The following PTPRN2 variants were observed in gnomAD, a reference collection of about 807,000 sequenced individuals.
The protein encoded by PTPRN2 is protein tyrosine phosphatase receptor type N2.
PTPRN2 carries 74 observed loss-of-function variants against 118.8 expected under a neutral mutation model. The observed-to-expected ratio is 0.62, with a 90% confidence interval of 0.52 to 0.76. The LOEUF is 0.76. PTPRN2 is among the 30% of genes least tolerant of loss of function. PTPRN2 has a pLI of 0.00. For synonymous variants in PTPRN2, 641 were observed against 608.0 expected (o/e 1.05, Z -0.80); for missense variants, 1,481 against 1,394.4 (o/e 1.06, Z -0.99).
chr7:158,075,951 A>T (rs966231405), intron 11 of PTPRN2, among the ~76,000 whole-genome samples: 11 of 152,194 alleles, frequency 7.2e-5, no homozygotes, highest in Non-Finnish European at 1.5e-4. Context: ...CCACACCTCC[A>T]GTCTCACTGC....
At position 157,846,672 on chromosome 7, in the gene PTPRN2, G is replaced by A. The variant is rs575806594; in HGVS notation, c.1788+52001C>T. On this transcript the variant is annotated intron_variant, in intron 12 of 22. Coordinates refer to ENST00000389418, the MANE Select transcript of PTPRN2 (RefSeq NM_002847.5). The stretch of plus-strand genomic sequence containing the variant: ...AGAGACCTCTCTCGCTCCATCATGC[G>A]TGCCCGATGTCTACAGAGCCCTCTC... Among the ~76,000 whole-genome samples, 8 of 152,104 alleles carry A rather than the reference G, an allele frequency of 5.3e-5. No homozygotes were observed. The South Asian group carries it at 8.3e-4, about 16-fold the overall frequency.
At chr7:158,359,998 G>A (rs891495574) in intron 2 of PTPRN2, among the ~76,000 whole-genome samples, 9 of 151,940 alleles carry the variant, frequency 5.9e-5, no homozygotes, top group South Asian at 2.1e-4. Context: ...AAGGGGACAC[G>A]GACGCTGCAT....
At chr7:158,337,336 C>G (rs1449196485) in intron 2 of PTPRN2, among the ~76,000 whole-genome samples, 1 of 136,758 alleles carries the variant, frequency 7.3e-6, no homozygotes, top group African/African-American at 2.7e-5. Context: ...CACTGTCACC[C>G]TAAGAGGTGA....
chr7:158,262,534 TACACACATTCACACACTGCACACACTAC>T (rs1289400498), intron 3 of PTPRN2, among the ~76,000 whole-genome samples: 1 of 101,432 alleles, frequency 9.9e-6, no homozygotes, highest in Non-Finnish European at 2.0e-5. Flanking sequence ...ACTGCACACA[TACACACATTCACACACTGCACACACTAC>T]ACACACATTC....
chr7:158,520,241 A>G (rs1268743565), intron 1 of PTPRN2, among the ~76,000 whole-genome samples: 1 of 152,216 alleles, frequency 6.6e-6, no homozygotes, highest in Non-Finnish European at 1.5e-5. Flanking sequence ...GATCTTGAAC[A>G]AGGTGCATTG....
Position 157,656,342 on chromosome 7 carries a change from A to G in PTPRN2, c.2196+15T>C. On this transcript the variant is annotated intron_variant, in intron 14 of 22. Transcript: ENST00000389418. ...CTGGTGTTTGTGTGGCAGGGAGTGC[A>G]AAGACTGGGCTTACCAGGATCATGT... 6.5e-7 allele frequency: 1 copy of G among 1,540,646 alleles called. No individual in the cohort carries two copies. The highest frequency in any genetic ancestry group is 8.8e-7 in the Non-Finnish European group (1 of 1,138,510).
At chr7:157,542,796 C>T (rs907747926) in intron 22 of PTPRN2, among the ~76,000 whole-genome samples, 3 of 152,196 alleles carry the variant, frequency 2.0e-5, no homozygotes, top group African/African-American at 4.8e-5. Context: ...TGGTGTGTGC[C>T]GTGCACCTTA....
At chr7:158,231,416 G>C (rs987362859) in intron 3 of PTPRN2, among the ~76,000 whole-genome samples, 1 of 152,166 alleles carries the variant, frequency 6.6e-6, no homozygotes. Flanking sequence ...CAATCAGCAA[G>C]AGGATATAAA....
rs1020616282 is a variant in PTPRN2, at chr7:158,530,869, C to T, written c.113-41084G>A. On this transcript the variant is annotated intron_variant, in intron 1 of 22. Coordinates refer to ENST00000389418, the MANE Select transcript of PTPRN2 (RefSeq NM_002847.5). ...GGTCCCATGCAGGTTCCAGGAAGGACGTTCACTCAGCAGAGCAGGGGAATG... is the reference window on the plus strand; with the variant it reads ...GGTCCCATGCAGGTTCCAGGAAGGATGTTCACTCAGCAGAGCAGGGGAATG... 3.9e-5 allele frequency among the ~76,000 whole-genome samples: 6 copies of T among 152,130 alleles called. No homozygotes were observed. The East Asian group carries it at 1.2e-3, about 29-fold the overall frequency.
intron 11 of PTPRN2, among the ~76,000 whole-genome samples, chr7:158,041,386 C>A (rs1237789911): frequency 2.0e-5 from 3 of 152,036 alleles, no homozygotes; most frequent in Non-Finnish European, 4.4e-5. Flanking sequence ...GCCCATAATC[C>A]CAGCACCTTG....
chr7:158,144,305 G>C (rs886244630), intron 6 of PTPRN2, among the ~76,000 whole-genome samples: 3 of 152,164 alleles, frequency 2.0e-5, no homozygotes, highest in African/African-American at 7.2e-5. Context: ...ATTCAGAGTG[G>C]CTACAGTGTT....
At chr7:157,580,428 T>TACCTGCACACCCCAGC (rs1217693596) in intron 17 of PTPRN2, among the ~76,000 whole-genome samples, 8 of 147,466 alleles carry the variant, frequency 5.4e-5, no homozygotes, top group Admixed American at 3.4e-4. Flanking sequence ...CACAGCCGAG[T>TACCTGCACACCCCAGC]ACCTGCACAC....
intron 17 of PTPRN2, among the ~76,000 whole-genome samples, chr7:157,588,489 C>T (rs1298096957): frequency 6.6e-6 from 1 of 152,224 alleles, no homozygotes; most frequent in Non-Finnish European, 1.5e-5. Flanking sequence ...GGGGGCTTCT[C>T]TGCGACAGCT....
At chr7:157,620,384 T>C (rs1803086413) in intron 15 of PTPRN2, among the ~76,000 whole-genome samples, 1 of 152,184 alleles carries the variant, frequency 6.6e-6, no homozygotes, top group African/African-American at 2.4e-5. Flanking sequence ...CTCGGAGAAC[T>C]GCTGGCTTAT....
At chr7:158,461,998 C>T (rs758077556) in intron 2 of PTPRN2, among the ~76,000 whole-genome samples, 1 of 152,290 alleles carries the variant, frequency 6.6e-6, no homozygotes, top group Non-Finnish European at 1.5e-5. Context: ...GAACGCCTCC[C>T]GTCCTTGGAT....
intron 11 of PTPRN2, among the ~76,000 whole-genome samples, chr7:158,071,389 TG>T (rs761114520): frequency 2.4e-5 from 2 of 84,356 alleles, no homozygotes; most frequent in Non-Finnish European, 5.1e-5. Flanking sequence ...GTGCTCGTGG[TG>T]GAGGTGCTCG....
chr7:157,914,295 G>A (rs972730343), intron 11 of PTPRN2, among the ~76,000 whole-genome samples: 4 of 152,184 alleles, frequency 2.6e-5, no homozygotes, highest in Admixed American at 6.5e-5. Flanking sequence ...AGGAATCGAG[G>A]TGTAGAGCCT....
chr7:157,853,977 C>A (rs958671408), intron 12 of PTPRN2, among the ~76,000 whole-genome samples: 3 of 152,184 alleles, frequency 2.0e-5, no homozygotes, highest in Admixed American at 6.5e-5. Context: ...CACCCACAAG[C>A]CGAGGAGAGA....
intron 9 of PTPRN2, among the ~76,000 whole-genome samples, chr7:158,119,673 T>C (rs1032931430): frequency 2.6e-5 from 4 of 152,178 alleles, no homozygotes; most frequent in Non-Finnish European, 5.9e-5. Context: ...TAAATTGTTA[T>C]AATTGTTCTA....
Sources: gnomAD v4.1 joint callset for allele counts (sites outside exome capture counted in the v4.1 genomes callset) on GRCh38, gnomAD v4.1.1 for gene constraint, MANE v1.5 for transcripts, NCBI Gene and HGNC (gene_info 2026-07-23, HGNC 2026-07-21) for gene names.